Variants in PSEN1 observed in about 807,000 individuals in gnomAD.
PSEN1 encodes presenilin 1.
Under a neutral mutation model 53.5 loss-of-function variants are expected in PSEN1, and 15 were observed. That is an observed-to-expected ratio of 0.28 (90% CI 0.19 to 0.43). PSEN1 has a LOEUF of 0.43. Ranked by LOEUF, PSEN1 falls within the 20% of genes least tolerant of loss-of-function variation. The pLI, the probability that PSEN1 is intolerant of heterozygous loss-of-function variation, is 1.00. For synonymous variants in PSEN1, 208 were observed against 209.8 expected, an observed-to-expected ratio of 0.99 and a Z score of 0.08; for missense variants, 387 against 571.2, an observed-to-expected ratio of 0.68 and a Z score of 3.29.
At chr14:73,182,761 T>C (rs972589842) in intron 5 of PSEN1, among the ~76,000 whole-genome samples, 7 of 151,696 alleles carry the variant, frequency 4.6e-5, no homozygotes, top group African/African-American at 1.5e-4. Flanking sequence ...ATTGCTTGAA[T>C]CTGGGAGGTG....
intron 4 of PSEN1, among the ~76,000 whole-genome samples, chr14:73,173,273 T>A (rs1566630607): frequency 6.6e-6 from 1 of 152,112 alleles, no homozygotes; most frequent in Non-Finnish European, 1.5e-5. Context: ...GCCAAAAAAA[T>A]TTGATGAGGT....
intron 3 of PSEN1, among the ~76,000 whole-genome samples, chr14:73,163,880 G>A (rs1334357716): frequency 6.6e-6 from 1 of 151,990 alleles, no homozygotes; most frequent in East Asian, 1.9e-4. Flanking sequence ...ATGACAAGAA[G>A]CCATTGTAAT....
chr14:73,140,444 C>T (rs1305434493), intron 1 of PSEN1, among the ~76,000 whole-genome samples: 8 of 151,716 alleles, frequency 5.3e-5, no homozygotes, highest in South Asian at 4.2e-4. Flanking sequence ...CTCCTGACCT[C>T]GTGATCCACC....
Position 73,194,714 on chromosome 14 carries a change from A to G in PSEN1, c.769+1850A>G, listed in dbSNP as rs1004232755. Among the ~76,000 whole-genome samples the G allele has an allele frequency of 2.6e-5, 4 of 151,902 alleles. No individual in the cohort carries two copies. In the East Asian group the frequency reaches 5.9e-4, roughly 22 times the overall value. ...CTCCCAAGTAGCTGGGACTACAGGC[A>G]TCTGCCACCACGCCCGGCTATTTTT... On this transcript the variant is annotated intron_variant, in intron 7 of 11. Coordinates refer to ENST00000324501, the MANE Select transcript of PSEN1 (RefSeq NM_000021.4).
At chr14:73,161,884 G>GTGGC (rs1594983683) in intron 3 of PSEN1, among the ~76,000 whole-genome samples, 1 of 151,784 alleles carries the variant, frequency 6.6e-6, no homozygotes, top group African/African-American at 2.4e-5. Context: ...GCCGGGCGCA[G>GTGGC]TGGCTCACGC....
Position 73,175,810 on chromosome 14 carries a change from AAGT to A in PSEN1, c.480+2106_480+2108del, listed in dbSNP as rs557189118. Among the ~76,000 whole-genome samples, 29 of 152,318 alleles carry A rather than the reference AAGT, an allele frequency of 1.9e-4. No individual in the cohort carries two copies. The South Asian group carries it at 6.0e-3, about 32-fold the overall frequency. ...TTATTTCCTTAGGGTAAAATCCTAG[AAGT>A]AGAATTTTTGGGGCAAATTATCTAC... On this transcript the variant is annotated intron_variant, in intron 5 of 11. Transcript: ENST00000324501.
In PSEN1 at chr14:73,219,511, T is replaced by C. The variant is rs1900063507; in HGVS notation, c.*222T>C. The C allele has an allele frequency of 3.7e-6, 2 of 546,126 alleles. No individual in the cohort carries two copies. The highest frequency in any genetic ancestry group is 1.9e-5 in the African/African-American group (1 of 52,844). 33.8% of individuals were successfully genotyped at this position (546,126 alleles called of 1,614,324 possible). The stretch of plus-strand genomic sequence containing the variant: ...GAACATACTTCATCGCAGTGGACTG[T>C]GTCCCTCGGTGCAGAAACTACCAGA... On this transcript the variant is annotated 3_prime_UTR_variant, in exon 12 of 12. Coordinates refer to ENST00000324501, the MANE Select transcript of PSEN1 (RefSeq NM_000021.4).
At chr14:73,148,880 C>G in intron 3 of PSEN1, among the ~76,000 whole-genome samples, 1 of 152,050 alleles carries the variant, frequency 6.6e-6, no homozygotes, top group South Asian at 2.1e-4. Flanking sequence ...TTACAGTGAG[C>G]TGACGTCGCG....
intron 3 of PSEN1, among the ~76,000 whole-genome samples, chr14:73,160,958 T>C (rs1897515746): frequency 6.6e-6 from 1 of 150,602 alleles, no homozygotes; most frequent in Non-Finnish European, 1.5e-5. Flanking sequence ...TCTTACCAGA[T>C]ATATGATTTG....
At chr14:73,177,463 A>T (rs1898079385) in intron 5 of PSEN1, among the ~76,000 whole-genome samples, 1 of 152,134 alleles carries the variant, frequency 6.6e-6, no homozygotes, top group African/African-American at 2.4e-5. Flanking sequence ...GAGTGCTAGG[A>T]TTACAGGCGT....
intron 9 of PSEN1, 114 bp from the exon 10 acceptor site, chr14:73,211,655 T>C: frequency 4.5e-6 from 5 of 1,101,174 alleles, no homozygotes; most frequent in Non-Finnish European, 6.8e-6. Context: ...CCATGCTTTG[T>C]GGTTTAAGGG....
At chr14:73,153,072 C>T (rs771631822) in intron 3 of PSEN1, among the ~76,000 whole-genome samples, 26 of 151,940 alleles carry the variant, frequency 1.7e-4, no homozygotes, top group Non-Finnish European at 3.1e-4. Context: ...AGACAAAAAG[C>T]AAACCTATGA....
intron 3 of PSEN1, among the ~76,000 whole-genome samples, chr14:73,158,471 G>A (rs532251056): frequency 1.2e-4 from 18 of 152,104 alleles, no homozygotes; most frequent in South Asian, 4.1e-4. Flanking sequence ...GATTACAGGC[G>A]CCTGCCACCA....
At chr14:73,166,049 AAATAATAAT>A (rs34006824) in intron 3 of PSEN1, among the ~76,000 whole-genome samples, 1 of 149,110 alleles carries the variant, frequency 6.7e-6, no homozygotes, top group Non-Finnish European at 1.5e-5. Flanking sequence ...TCTGTCTCCA[AAATAATAAT>A]AATAATAATA....
intron 10 of PSEN1, among the ~76,000 whole-genome samples, chr14:73,215,655 C>T (rs1420378787): frequency 1.3e-5 from 2 of 151,946 alleles, no homozygotes; most frequent in South Asian, 2.1e-4. Flanking sequence ...CAACTTAATA[C>T]GAAGACGATA....
At chr14:73,142,984 G>A (rs1896968576) in intron 1 of PSEN1, among the ~76,000 whole-genome samples, 2 of 152,092 alleles carry the variant, frequency 1.3e-5, no homozygotes, top group African/African-American at 2.4e-5. Flanking sequence ...CTCAATTCGG[G>A]TCCCATGAAA....
At chr14:73,190,282 G>T (rs1356522035) in intron 6 of PSEN1, among the ~76,000 whole-genome samples, 1 of 151,906 alleles carries the variant, frequency 6.6e-6, no homozygotes, top group Non-Finnish European at 1.5e-5. Context: ...GAGCCCAGGG[G>T]TTCTAGACCA....
chr14:73,202,449 TATATATATATA>T (rs1215807582), intron 8 of PSEN1, among the ~76,000 whole-genome samples: 31 of 18,688 alleles, frequency 1.7e-3, no homozygotes, highest in African/African-American at 3.9e-3. Context: ...TATATATATA[TATATATATATA>T]TATTTTTTTT....
intron 3 of PSEN1, among the ~76,000 whole-genome samples, chr14:73,150,729 C>T (rs1411327758): frequency 7.6e-6 from 1 of 131,954 alleles, no homozygotes; most frequent in Non-Finnish European, 1.5e-5. Context: ...TGCACCACTG[C>T]ACTCCAGCTT....
Sources: gnomAD v4.1 joint callset for allele counts (sites outside exome capture counted in the v4.1 genomes callset) on GRCh38, gnomAD v4.1.1 for gene constraint, MANE v1.5 for transcripts, NCBI Gene and HGNC (gene_info 2026-07-23, HGNC 2026-07-21) for gene names.